Variants in DPH6 observed in about 807,000 individuals in gnomAD.
The protein encoded by DPH6 is diphthine--ammonia ligase.
A neutral mutation model predicts 38.2 loss-of-function variants in DPH6; 33 were observed. That is an observed-to-expected ratio of 0.86 (90% CI 0.65 to 1.15). The LOEUF (loss-of-function observed/expected upper bound fraction) is 1.15, where lower values mean the gene tolerates loss of function less well. DPH6 is among the 50% of genes most tolerant of loss of function. The probability of loss-of-function intolerance (pLI) is 0.00; values close to 1 mark genes in which losing one functional copy is unlikely to be tolerated. For missense variants in DPH6, 325 were observed against 320.0 expected (o/e 1.02, Z -0.12); for synonymous variants, 108 against 103.0 (o/e 1.05, Z -0.30).
chr15:35,324,970 A>G (rs2052269977), intron 3 of DPH6, among the ~76,000 whole-genome samples: 1 of 152,180 alleles, frequency 6.6e-6, no homozygotes, highest in South Asian at 2.1e-4. Context: ...CAGCTTATTG[A>G]GCTGGAAGAT....
chr15:35,252,317 C>A (rs2051680464), intron 3 of DPH6, among the ~76,000 whole-genome samples: 1 of 152,120 alleles, frequency 6.6e-6, no homozygotes, highest in Non-Finnish European at 1.5e-5. Context: ...AAGATAGTAG[C>A]TGGTTTTAAG....
chr15:35,298,584 T>C (rs752377205), intron 3 of DPH6: 73 of 803,946 alleles, frequency 9.1e-5, no homozygotes, highest in Non-Finnish European at 1.5e-4. Flanking sequence ...GAATCTGACT[T>C]CTTGGATGCA....
rs1212343457 is a variant in DPH6 at position 35,260,572 on chromosome 15, T to TATAAAAAA, written n.201-39991_201-39990insTTTTTTAT. Among the ~76,000 whole-genome samples, 14 of 151,764 alleles carry TATAAAAAA rather than the reference T, an allele frequency of 9.2e-5. No individual in the cohort carries two copies. The South Asian group carries it at 1.5e-3, about 16-fold the overall frequency. ...ATTAAACTTAAGTAATCTGAAGACTTCATTTATAAAAAAATGTTTTTCCTG... is the reference window on the plus strand; with the variant it reads ...ATTAAACTTAAGTAATCTGAAGACTTATAAAAAACATTTATAAAAAAATGTTTTTCCTG... On this transcript the variant is annotated intron_variant and non_coding_transcript_variant, in intron 3 of 3. Coordinates refer to the DPH6 transcript ENST00000560386.
chr15:35,283,610 A>C (rs2051917947), intron 3 of DPH6, among the ~76,000 whole-genome samples: 2 of 152,080 alleles, frequency 1.3e-5, no homozygotes, highest in African/African-American at 4.8e-5. Flanking sequence ...ATAACTTCTT[A>C]TATGGTTCTT....
At chr15:35,432,860 G>T (rs1489892869) in intron 5 of DPH6, among the ~76,000 whole-genome samples, 2 of 152,254 alleles carry the variant, frequency 1.3e-5, no homozygotes, top group East Asian at 1.9e-4. Context: ...CCTACTTGAG[G>T]GTGGAGGTTA....
chr15:35,486,763 CTAAT>C (rs1315860519), intron 3 of DPH6, among the ~76,000 whole-genome samples: 1 of 152,148 alleles, frequency 6.6e-6, no homozygotes, highest in Non-Finnish European at 1.5e-5. Context: ...AAAGTCTTAA[CTAAT>C]TAACCCAAAA....
At chr15:35,308,499 G>C (rs1237827407) in intron 3 of DPH6, among the ~76,000 whole-genome samples, 1 of 152,054 alleles carries the variant, frequency 6.6e-6, no homozygotes, top group Admixed American at 6.6e-5. Context: ...CCTGAGGAAG[G>C]CAGGGGAATT....
At chr15:35,513,441 C>G (rs965011758) in intron 3 of DPH6, among the ~76,000 whole-genome samples, 3 of 151,864 alleles carry the variant, frequency 2.0e-5, no homozygotes, top group Admixed American at 6.6e-5. Context: ...AGAGCCAACT[C>G]TCTAAGAGGT....
chr15:35,226,920 G>C (rs2051485693), intron 3 of DPH6, among the ~76,000 whole-genome samples: 1 of 152,044 alleles, frequency 6.6e-6, no homozygotes, highest in African/African-American at 2.4e-5. Context: ...TAAATGTTTG[G>C]TAGAAATCAG....
intron 3 of DPH6, among the ~76,000 whole-genome samples, chr15:35,355,382 G>A (rs892380983): frequency 4.6e-5 from 7 of 152,134 alleles, no homozygotes; most frequent in Admixed American, 2.6e-4. Flanking sequence ...TGCTAGCCTC[G>A]ATGGTCTTTA....
chr15:35,536,710 A>G (rs759777229), intron 3 of DPH6, among the ~76,000 whole-genome samples: 4 of 152,028 alleles, frequency 2.6e-5, no homozygotes, highest in Non-Finnish European at 5.9e-5. Context: ...TCATTTTATA[A>G]TATTGGTTTA....
chr15:35,153,936 A>G, the DPH6 span, among the ~76,000 whole-genome samples: 1 of 152,168 alleles, frequency 6.6e-6, no homozygotes, highest in Non-Finnish European at 1.5e-5. Context: ...AAATTAGTAG[A>G]AAAATTGGGG....
chr15:35,206,333 C>T, the DPH6 span, among the ~76,000 whole-genome samples: 1 of 152,068 alleles, frequency 6.6e-6, no homozygotes, highest in Non-Finnish European at 1.5e-5. Context: ...TTAATTGGAA[C>T]CTGAATCACA....
intron 3 of DPH6, among the ~76,000 whole-genome samples, chr15:35,293,133 A>G (rs1397652602): frequency 6.6e-6 from 1 of 152,196 alleles, no homozygotes; most frequent in Non-Finnish European, 1.5e-5. Flanking sequence ...GAAATTCACT[A>G]TAGAATTTGC....
chr15:35,173,127 G>C, the DPH6 span, among the ~76,000 whole-genome samples: 1 of 152,110 alleles, frequency 6.6e-6, no homozygotes, highest in Admixed American at 6.5e-5. Context: ...CCAGATTTCT[G>C]GGATCAGTAC....
intron 3 of DPH6, among the ~76,000 whole-genome samples, chr15:35,348,241 C>T (rs2052479226): frequency 6.6e-6 from 1 of 152,090 alleles, no homozygotes; most frequent in South Asian, 2.1e-4. Flanking sequence ...ATGTCATGAA[C>T]ATTTCCTTCT....
At chr15:35,339,500 T>C (rs2052403893) in intron 3 of DPH6, among the ~76,000 whole-genome samples, 1 of 151,940 alleles carries the variant, frequency 6.6e-6, no homozygotes, top group Non-Finnish European at 1.5e-5. Context: ...AATTTTTGTG[T>C]TTTTAGTAGA....
the DPH6 span, among the ~76,000 whole-genome samples, chr15:35,189,475 C>T: frequency 2.0e-4 from 31 of 152,178 alleles, no homozygotes; most frequent in South Asian, 6.0e-3. Flanking sequence ...TTATTTTTGC[C>T]TTGTAAAATC....
the DPH6 span, chr15:35,181,844 G>C: frequency 6.6e-6 from 1 of 152,172 alleles, no homozygotes; most frequent in Non-Finnish European, 1.5e-5. Flanking sequence ...ATTATCATGA[G>C]ACCTATTTTT....
Sources: gnomAD v4.1 joint callset for allele counts (sites outside exome capture counted in the v4.1 genomes callset) on GRCh38, gnomAD v4.1.1 for gene constraint, MANE v1.5 for transcripts, NCBI Gene and HGNC (gene_info 2026-07-23, HGNC 2026-07-21) for gene names.